Variants in TNIP3 observed in about 807,000 individuals in gnomAD.
TNIP3 encodes TNFAIP3 interacting protein 3.
In TNIP3, 34 loss-of-function variants were observed where a neutral mutation model predicts 54.1. That is an observed-to-expected ratio of 0.63 (90% CI 0.48 to 0.84). The LOEUF is 0.84. Ranked by LOEUF, TNIP3 falls within the 40% of genes least tolerant of loss-of-function variation. The pLI is 0.00. For synonymous variants in TNIP3, 134 were observed against 136.8 expected, an observed-to-expected ratio of 0.98 and a Z score of 0.14; for missense variants, 366 against 387.6, an observed-to-expected ratio of 0.94 and a Z score of 0.47.
chr4:121,143,320 A>T (rs1266533690), intron 7 of TNIP3, among the ~76,000 whole-genome samples: 1 of 152,206 alleles, frequency 6.6e-6, no homozygotes, highest in Non-Finnish European at 1.5e-5. Flanking sequence ...GCCCAGCCTC[A>T]TCTAGATGAA....
chr4:121,187,208 AC>A, intron 2 of TNIP3, among the ~76,000 whole-genome samples: 1 of 152,248 alleles, frequency 6.6e-6, no homozygotes, highest in Non-Finnish European at 1.5e-5. Context: ...CAAAAAAAAC[AC>A]CCTACCAAAC....
chr4:121,199,356 C>A (rs1725761753), intron 2 of TNIP3, among the ~76,000 whole-genome samples: 2 of 152,140 alleles, frequency 1.3e-5, no homozygotes, highest in Admixed American at 1.3e-4. Context: ...ACTTAGACAG[C>A]AGTTTGCACT....
Position 121,150,180 on chromosome 4 carries a change from C to T in TNIP3, c.532G>A (p.Glu178Lys), listed in dbSNP as rs148060126. 36 of 1,613,668 alleles carry T rather than the reference C, an allele frequency of 2.2e-5. No homozygotes were observed. Among genetic ancestry groups the T allele is most frequent in the East Asian group, 2.0e-4 (9 of 44,842 alleles). ...ACTCGAGACTTCCTCAAACAGTCCT[C>T]GGAAAATGAACACTTGATATTCAAG... ...DALNIKCSFS[E>K]DCLRKSRVEF... The change falls in exon 6 of 11, where the codon GAG becomes AAG. Residue 178 changes from glutamate (E) to lysine (K), a missense_variant. Transcript: ENST00000057513.
At chr4:121,144,648 C>T (rs1331186272) in intron 7 of TNIP3, among the ~76,000 whole-genome samples, 2 of 152,194 alleles carry the variant, frequency 1.3e-5, no homozygotes, top group South Asian at 2.1e-4. Context: ...GTGATCTGCC[C>T]GCCTTGGCCT....
chr4:121,181,292 T>G (rs1418105131), intron 3 of TNIP3, among the ~76,000 whole-genome samples: 1 of 152,184 alleles, frequency 6.6e-6, no homozygotes, highest in African/African-American at 2.4e-5. Flanking sequence ...TTTCTGAGGT[T>G]AGACAAGAAG....
chr4:121,194,457 A>G (rs565719240), intron 2 of TNIP3, among the ~76,000 whole-genome samples: 2 of 152,336 alleles, frequency 1.3e-5, no homozygotes, highest in Non-Finnish European at 2.9e-5. Flanking sequence ...AGCAGGAACT[A>G]AGATGCAGAC....
upstream of TNIP3, chr4:121,164,404 C>G: frequency 8.7e-7 from 1 of 1,145,900 alleles, no homozygotes; most frequent in South Asian, 2.5e-5. Flanking sequence ...AATAGGCAGG[C>G]CGTGACTAAG....
chr4:121,150,045 A>G, intron 6 of TNIP3, 58 bp downstream of exon 6: 1 of 1,063,156 alleles, frequency 9.4e-7, no homozygotes, highest in South Asian at 1.4e-5. Context: ...ATGCCCAAAG[A>G]AGCATGAAAA....
At chr4:121,164,341 C>T, upstream of TNIP3, 1 of 1,315,346 alleles carries the variant, frequency 7.6e-7, no homozygotes, top group Non-Finnish European at 9.7e-7. Context: ...AGCACTGCAA[C>T]TGGGATTTTA....
At chr4:121,141,782 T>TA in intron 9 of TNIP3, 34 bp downstream of exon 9, 1 of 1,383,482 alleles carries the variant, frequency 7.2e-7, no homozygotes. Context: ...CAAAACAGTA[T>TA]ACTAAGCACT....
intron 2 of TNIP3, among the ~76,000 whole-genome samples, chr4:121,206,775 G>A (rs1726214987): frequency 6.6e-6 from 1 of 151,934 alleles, no homozygotes; most frequent in South Asian, 2.1e-4. Context: ...TCACCATGTT[G>A]CACAGGCTGC....
At chr4:121,134,165 A>T (rs1223298292) in intron 10 of TNIP3, among the ~76,000 whole-genome samples, 1 of 152,224 alleles carries the variant, frequency 6.6e-6, no homozygotes, top group African/African-American at 2.4e-5. Context: ...AAGTAATTTC[A>T]CAACACAGTT....
chr4:121,208,050 G>A (rs1305067979), intron 2 of TNIP3, among the ~76,000 whole-genome samples: 1 of 152,104 alleles, frequency 6.6e-6, no homozygotes, highest in Non-Finnish European at 1.5e-5. Context: ...CGGCCGCCAT[G>A]ATTCTGAGGC....
At chr4:121,160,494 A>G (rs750542311) in intron 2 of TNIP3, among the ~76,000 whole-genome samples, 2 of 151,574 alleles carry the variant, frequency 1.3e-5, no homozygotes, top group Non-Finnish European at 2.9e-5. Context: ...AAAAAGAAGG[A>G]ATTACAAAAT....
At position 121,150,199 on chromosome 4, in the gene TNIP3, A is replaced by G. The variant is rs200989681; in HGVS notation, c.513T>C (p.Asn171=). ...AGTCCTCGGAAAATGAACACTTGATATTCAAGGCATCCTGAAGAGCCTACG... is the reference window on the plus strand; with the variant it reads ...AGTCCTCGGAAAATGAACACTTGATGTTCAAGGCATCCTGAAGAGCCTACG... ...RLNKALQDAL[N]IKCSFSEDCL... is the part of the protein sequence containing the mutation. Residue 171 remains asparagine, a synonymous_variant, in exon 6 of 11, where the codon AAT becomes AAC. Coordinates refer to ENST00000057513, the MANE Select transcript of TNIP3 (RefSeq NM_024873.6). The G allele has an allele frequency of 2.5e-6, 4 of 1,613,226 alleles. No individual in the cohort carries two copies. The highest frequency in any genetic ancestry group is 1.1e-5 in the South Asian group (1 of 91,016).
chr4:121,147,012 T>C lies in TNIP3; in HGVS notation c.735+37A>G, dbSNP rs767223650. 25 of 1,580,180 alleles carry C rather than the reference T, an allele frequency of 1.6e-5. No homozygotes were observed. The South Asian group carries it at 2.0e-4, about 13-fold the overall frequency. On this transcript the variant is annotated intron_variant, in intron 7 of 10. Transcript: ENST00000057513. ...TTTTTTTAAATGAAAAAAATATACA[T>C]ACATGCTGGCAAAGATTATTTTGTT...
At chr4:121,226,568 G>A (rs1727268576) in intron 1 of TNIP3, among the ~76,000 whole-genome samples, 1 of 152,206 alleles carries the variant, frequency 6.6e-6, no homozygotes, top group South Asian at 2.1e-4. Flanking sequence ...TTCCTAAGAA[G>A]AACAAAGTTC....
chr4:121,161,138 C>A lies in TNIP3; in HGVS notation c.145G>T (p.Glu49Ter). ...TTTAGCGAATATTTCTAAGTTACCT[C>A]TTTTCTTTGTTTTTCCAAACACCTT... ...KIRCLEKQRK[E>*]LLEVNQQWDQ... The change falls in exon 2 of 11, where the codon GAG (glutamate) becomes TAG (stop). Residue 49 changes from glutamate to a stop codon, truncating the protein, a stop_gained and splice_region_variant. Coordinates refer to ENST00000057513, the MANE Select transcript of TNIP3 (RefSeq NM_024873.6). LOFTEE classifies it high-confidence loss of function. The A allele has an allele frequency of 6.3e-7, 1 of 1,577,516 alleles. No homozygotes were observed.
intron 3 of TNIP3, among the ~76,000 whole-genome samples, chr4:121,173,524 T>G (rs954345313): frequency 1.3e-5 from 2 of 152,200 alleles, no homozygotes; most frequent in African/African-American, 4.8e-5. Context: ...TTTTTAAAAA[T>G]TATTTTCTCT....
Sources: allele counts gnomAD v4.1 joint callset (sites outside exome capture counted in the v4.1 genomes callset), GRCh38; gene constraint gnomAD v4.1.1; transcripts MANE v1.5; gene names NCBI Gene and HGNC (gene_info 2026-07-23, HGNC 2026-07-21).